ZCWPW2: variants seen among roughly 807,000 people sequenced by gnomAD.
ZCWPW2 encodes the protein zinc finger CW-type and PWWP domain containing 2.
In ZCWPW2, 45 loss-of-function variants were observed where a neutral mutation model predicts 46.6. The observed-to-expected ratio is 0.96, with a 90% CI of 0.76 to 1.24. The LOEUF is 1.24. ZCWPW2 is among the 50% of genes most tolerant of loss of function. The pLI is 0.00. For synonymous variants in ZCWPW2, 152 were observed against 137.1 expected, an observed-to-expected ratio of 1.11 and a Z score of -0.76; for missense variants, 429 against 403.9, an observed-to-expected ratio of 1.06 and a Z score of -0.53.
intron 1 of ZCWPW2, among the ~76,000 whole-genome samples, chr3:28,386,050 T>G (rs550010192): frequency 6.6e-6 from 1 of 152,276 alleles, no homozygotes; most frequent in Non-Finnish European, 1.5e-5. Flanking sequence ...AACCAGCTTT[T>G]GCTTTTGTTG....
At chr3:28,417,500 C>G (rs1479393139) in intron 3 of ZCWPW2, among the ~76,000 whole-genome samples, 83 of 151,038 alleles carry the variant, frequency 5.5e-4, no homozygotes, top group East Asian at 1.8e-3. Context: ...AGGGAATCTT[C>G]CCTAACTCAT....
At chr3:28,506,360 A>G (rs1322900360) in intron 6 of ZCWPW2, among the ~76,000 whole-genome samples, 1 of 151,938 alleles carries the variant, frequency 6.6e-6, no homozygotes, top group African/African-American at 2.4e-5. Context: ...TATCTGATTC[A>G]GTAGGCCTAG....
At chr3:28,435,846 C>T (rs1697466997) in intron 4 of ZCWPW2, among the ~76,000 whole-genome samples, 1 of 152,030 alleles carries the variant, frequency 6.6e-6, no homozygotes, top group African/African-American at 2.4e-5. Context: ...TATGTGATTG[C>T]CTTTTGAAAC....
intron 1 of ZCWPW2, among the ~76,000 whole-genome samples, chr3:28,358,516 A>G (rs573255999): frequency 6.6e-6 from 1 of 152,294 alleles, no homozygotes; most frequent in South Asian, 2.1e-4. Flanking sequence ...TTTGAAAATT[A>G]TGAATCTGGT....
At chr3:28,384,635 C>T (rs1263008017) in intron 1 of ZCWPW2, among the ~76,000 whole-genome samples, 15 of 137,706 alleles carry the variant, frequency 1.1e-4, no homozygotes, top group South Asian at 2.3e-4. Context: ...TTTTTTGAGA[C>T]GGTGTCTCAC....
chr3:28,441,173 G>C (rs1697741692), intron 4 of ZCWPW2, among the ~76,000 whole-genome samples: 1 of 152,180 alleles, frequency 6.6e-6, no homozygotes, highest in South Asian at 2.1e-4. Context: ...CTTGATTTTT[G>C]AAATCCTTCT....
At chr3:28,402,398 G>A (rs1695983797) in intron 2 of ZCWPW2, among the ~76,000 whole-genome samples, 1 of 152,070 alleles carries the variant, frequency 6.6e-6, no homozygotes, top group African/African-American at 2.4e-5. Context: ...ACCCCGAATA[G>A]ACCAATAGCA....
At chr3:28,400,116 A>G (rs747509615) in intron 2 of ZCWPW2, among the ~76,000 whole-genome samples, 20 of 152,166 alleles carry the variant, frequency 1.3e-4, no homozygotes, top group South Asian at 1.0e-3. Context: ...AACAGTGGAC[A>G]CACTTATAGA....
chr3:28,417,445 A>T (rs1696641394), intron 3 of ZCWPW2, among the ~76,000 whole-genome samples: 1 of 152,162 alleles, frequency 6.6e-6, no homozygotes, highest in South Asian at 2.1e-4. Context: ...TACAAGGAGG[A>T]CCTGGTACCA....
intron 4 of ZCWPW2, among the ~76,000 whole-genome samples, chr3:28,445,516 G>A (rs535535583): frequency 2.9e-4 from 44 of 152,104 alleles, no homozygotes; most frequent in Admixed American, 9.2e-4. Flanking sequence ...TGTAATCCTC[G>A]TGTTAAACAC....
chr3:28,486,869 GAA>G (rs1275901336), intron 5 of ZCWPW2, among the ~76,000 whole-genome samples: 1 of 135,262 alleles, frequency 7.4e-6, no homozygotes, highest in Non-Finnish European at 1.6e-5. Flanking sequence ...TATTTCAAAA[GAA>G]AAAAAAAAAA....
At chr3:28,411,111 A>G (rs1364152444) in intron 2 of ZCWPW2, among the ~76,000 whole-genome samples, 1 of 152,006 alleles carries the variant, frequency 6.6e-6, no homozygotes, top group Non-Finnish European at 1.5e-5. Flanking sequence ...TTATTTATAC[A>G]CACATGTAAA....
chr3:28,389,191 TAGTG>T (rs1695392304), intron 1 of ZCWPW2, among the ~76,000 whole-genome samples: 1 of 152,098 alleles, frequency 6.6e-6, no homozygotes, highest in South Asian at 2.1e-4. Flanking sequence ...CTAGGGGTAA[TAGTG>T]AGTAGTGATA....
At chr3:28,520,956 T>C in intron 8 of ZCWPW2, 36 bp from the exon 9 acceptor site, 4 of 1,609,458 alleles carry the variant, frequency 2.5e-6, no homozygotes, top group Non-Finnish European at 3.4e-6. Flanking sequence ...TTAAGTGAGA[T>C]GTAGCATTTT....
chr3:28,432,147 C>T (rs1190821104), intron 3 of ZCWPW2, among the ~76,000 whole-genome samples: 1 of 152,136 alleles, frequency 6.6e-6, no homozygotes, highest in Non-Finnish European at 1.5e-5. Context: ...TGGGTGGGGA[C>T]ACAAAGCCTA....
At chr3:28,491,463 A>G (rs1699809311) in intron 5 of ZCWPW2, among the ~76,000 whole-genome samples, 1 of 152,090 alleles carries the variant, frequency 6.6e-6, no homozygotes, top group South Asian at 2.1e-4. Flanking sequence ...TAATGAGAAA[A>G]TGTACTAAAT....
In ZCWPW2 at chr3:28,487,919, G is replaced by A. The variant is rs62250301; in HGVS notation, c.611-4208G>A. Among the ~76,000 whole-genome samples, 145 of 152,080 alleles carry A rather than the reference G, an allele frequency of 9.5e-4. 1 individual carries two copies. The highest frequency in any genetic ancestry group is 1.9e-3 in the Non-Finnish European group (130 of 68,014). On this transcript the variant is annotated intron_variant, in intron 5 of 9. Transcript: ENST00000383768. ...TTTGCTTCCCCCAGGTCAGGCTGGGGTTAGGCTTTGAAAATCCCTCAATAG... is the reference window on the plus strand; with the variant it reads ...TTTGCTTCCCCCAGGTCAGGCTGGGATTAGGCTTTGAAAATCCCTCAATAG...
chr3:28,499,948 G>T (rs1700096242), intron 6 of ZCWPW2, among the ~76,000 whole-genome samples: 1 of 151,826 alleles, frequency 6.6e-6, no homozygotes, highest in Admixed American at 6.6e-5. Flanking sequence ...TGTCTCTTTT[G>T]GGGATTTCAG....
intron 3 of ZCWPW2, among the ~76,000 whole-genome samples, chr3:28,433,778 AAAAAAC>A (rs1221830239): frequency 1.3e-4 from 20 of 151,106 alleles, no homozygotes; most frequent in African/African-American, 4.1e-4. Context: ...AACAAAAAAC[AAAAAAC>A]AAAAAAAACT....
Sources: allele counts gnomAD v4.1 joint callset (sites outside exome capture counted in the v4.1 genomes callset), GRCh38; gene constraint gnomAD v4.1.1; transcripts MANE v1.5; gene names NCBI Gene and HGNC (gene_info 2026-07-23, HGNC 2026-07-21).